The following CREB3L2 variants were observed in gnomAD, a reference collection of about 807,000 sequenced individuals.
CREB3L2 encodes cyclic AMP-responsive element-binding protein 3-like protein 2.
In CREB3L2, 23 loss-of-function variants were observed where a neutral mutation model predicts 57.2. The observed-to-expected ratio is 0.40, with a 90% CI of 0.29 to 0.57. The LOEUF is 0.57. CREB3L2 is among the 20% of genes least tolerant of loss of function. The pLI, the probability that CREB3L2 is intolerant of heterozygous loss-of-function variation, is 0.42. For synonymous variants in CREB3L2, 268 were observed against 265.1 expected, an observed-to-expected ratio of 1.01 and a Z score of -0.11; for missense variants, 628 against 634.7, an observed-to-expected ratio of 0.99 and a Z score of 0.11.
chr7:137,940,632 C>T (rs1326289969), intron 1 of CREB3L2, among the ~76,000 whole-genome samples: 1 of 152,196 alleles, frequency 6.6e-6, no homozygotes, highest in Admixed American at 6.5e-5. Flanking sequence ...ACGACCCCCA[C>T]AGAATTCTCT....
At chr7:137,902,793 G>GTT (rs35168928) in intron 7 of CREB3L2, among the ~76,000 whole-genome samples, 80 of 150,496 alleles carry the variant, frequency 5.3e-4, no homozygotes, top group African/African-American at 7.3e-4. Context: ...TATTGTTGTA[G>GTT]TTTTTTTTTA....
chr7:137,982,482 C>T (rs376952967), intron 1 of CREB3L2, among the ~76,000 whole-genome samples: 10 of 152,182 alleles, frequency 6.6e-5, no homozygotes, highest in African/African-American at 7.2e-5. Context: ...ATGGGAGGGA[C>T]GCAGTGGGAA....
chr7:137,892,894 C>T (rs966176935), intron 8 of CREB3L2, among the ~76,000 whole-genome samples: 5 of 152,228 alleles, frequency 3.3e-5, no homozygotes, highest in Non-Finnish European at 5.9e-5. Flanking sequence ...AAGTTCTACA[C>T]ATTTCATAAG....
intron 1 of CREB3L2, among the ~76,000 whole-genome samples, chr7:137,934,993 C>G (rs1800750620): frequency 6.6e-6 from 1 of 152,186 alleles, no homozygotes; most frequent in South Asian, 2.1e-4. Context: ...TTTTGTCTCC[C>G]TTTATTCTTA....
intron 1 of CREB3L2, among the ~76,000 whole-genome samples, chr7:137,943,709 G>T (rs936493110): frequency 1.3e-5 from 2 of 152,156 alleles, no homozygotes; most frequent in Admixed American, 1.3e-4. Context: ...TTCTGAAGTG[G>T]TTAGAGATGT....
chr7:137,940,937 C>T (rs1395285311), intron 1 of CREB3L2, among the ~76,000 whole-genome samples: 2 of 152,220 alleles, frequency 1.3e-5, no homozygotes, highest in Non-Finnish European at 2.9e-5. Context: ...GGTACCCCTC[C>T]ACCCCAAGAT....
chr7:137,900,502 A>G (rs926108021), intron 8 of CREB3L2, among the ~76,000 whole-genome samples: 24 of 152,180 alleles, frequency 1.6e-4, no homozygotes, highest in Admixed American at 1.4e-3. Context: ...AATTTAAAAA[A>G]CAATGATTTG....
intron 11 of CREB3L2, 70 bp downstream of exon 11, chr7:137,882,342 T>C (rs1337136829): frequency 3.4e-6 from 4 of 1,182,990 alleles, no homozygotes; most frequent in Non-Finnish European, 5.0e-6. Flanking sequence ...CAACCTCACA[T>C]CTCAGGTTGC....
chr7:137,999,359 GTTTA>G (rs1381876769), intron 1 of CREB3L2, among the ~76,000 whole-genome samples: 2 of 130,848 alleles, frequency 1.5e-5, no homozygotes, highest in South Asian at 2.8e-4. Flanking sequence ...TCTTTATAAT[GTTTA>G]TTGTTTATGT....
At chr7:137,970,895 CAGA>C in intron 1 of CREB3L2, among the ~76,000 whole-genome samples, 1 of 152,320 alleles carries the variant, frequency 6.6e-6, no homozygotes, top group African/African-American at 2.4e-5. Flanking sequence ...CTCCAGCTTA[CAGA>C]AGAAGTGTTT....
At chr7:137,936,902 G>A (rs1800796521) in intron 1 of CREB3L2, among the ~76,000 whole-genome samples, 1 of 152,240 alleles carries the variant, frequency 6.6e-6, no homozygotes, top group Admixed American at 6.5e-5. Flanking sequence ...GGAGGACAGA[G>A]AACACCCTCT....
At chr7:137,916,522 C>T (rs536910793) in intron 2 of CREB3L2, among the ~76,000 whole-genome samples, 3 of 152,254 alleles carry the variant, frequency 2.0e-5, no homozygotes, top group South Asian at 4.1e-4. Flanking sequence ...TCAACACCAA[C>T]CTGGGCTACA....
intron 1 of CREB3L2, among the ~76,000 whole-genome samples, chr7:137,961,110 C>T (rs1326114547): frequency 6.7e-6 from 1 of 148,254 alleles, no homozygotes; most frequent in Non-Finnish European, 1.5e-5. Flanking sequence ...CTTAAAAAAC[C>T]AATCTATTAT....
chr7:137,988,831 C>T (rs56962477), intron 1 of CREB3L2, among the ~76,000 whole-genome samples: 3,151 of 152,002 alleles, frequency 0.021, 115 homozygotes, highest in African/African-American at 0.07. Context: ...CAGTGGCTCA[C>T]GCCTGCAATC....
chr7:137,901,031 G>A (rs1367108499), intron 8 of CREB3L2, among the ~76,000 whole-genome samples: 1 of 152,020 alleles, frequency 6.6e-6, no homozygotes, highest in Non-Finnish European at 1.5e-5. Context: ...CTTCAATCCT[G>A]TATCATTTAG....
chr7:137,913,506 C>CAAAAAAAAAAAAAAAAA (rs33940093), intron 3 of CREB3L2, among the ~76,000 whole-genome samples: 1 of 108,730 alleles, frequency 9.2e-6, no homozygotes. Flanking sequence ...GACCCTATCT[C>CAAAAAAAAAAAAAAAAA]AAAAAAAAAA....
chr7:137,881,760 C>T (rs6960308), intron 11 of CREB3L2, among the ~76,000 whole-genome samples: 11,884 of 152,146 alleles, frequency 0.078, 1,207 homozygotes, highest in African/African-American at 0.23. Flanking sequence ...CCTATTACAA[C>T]AACAATACCT....
rs190050202 is a variant in CREB3L2 at position 137,947,390 on chromosome 7, C to G, written c.103-19024G>C. On this transcript the variant is annotated intron_variant, in intron 1 of 11. Coordinates refer to ENST00000330387, the MANE Select transcript of CREB3L2 (RefSeq NM_194071.4). ...ACCCTCGCTTCTCTGGGTCTACTATCTGAAGACATTCTTGAGGAGGAAAAA... is the reference window on the plus strand; with the variant it reads ...ACCCTCGCTTCTCTGGGTCTACTATGTGAAGACATTCTTGAGGAGGAAAAA... 7.9e-5 allele frequency among the ~76,000 whole-genome samples: 12 copies of G among 152,308 alleles called. No individual in the cohort carries two copies. The East Asian group carries it at 2.1e-3, about 27-fold the overall frequency.
chr7:137,968,698 C>T (rs1177201307), intron 1 of CREB3L2, among the ~76,000 whole-genome samples: 1 of 152,136 alleles, frequency 6.6e-6, no homozygotes, highest in Admixed American at 6.5e-5. Context: ...CACACTGTTT[C>T]AAGCCAGCTG....
Sources: gnomAD v4.1 joint callset for allele counts (sites outside exome capture counted in the v4.1 genomes callset) on GRCh38, gnomAD v4.1.1 for gene constraint, MANE v1.5 for transcripts, NCBI Gene and HGNC (gene_info 2026-07-23, HGNC 2026-07-21) for gene names.